Variants in RNF169 observed in about 807,000 individuals in gnomAD.
The protein encoded by RNF169 is E3 ubiquitin-protein ligase RNF169.
RNF169 carries 24 observed loss-of-function variants against 53.9 expected under a neutral mutation model. That is an observed-to-expected ratio of 0.45 (90% CI 0.32 to 0.63). The LOEUF (loss-of-function observed/expected upper bound fraction) is 0.63, where lower values mean the gene tolerates loss of function less well. RNF169 is among the 20% of genes least tolerant of loss of function. The pLI is 0.04. For missense variants in RNF169, 883 were observed against 906.2 expected (o/e 0.97, Z 0.33); for synonymous variants, 396 against 363.5 (o/e 1.09, Z -1.02).
chr11:74,752,947 A>G (rs540107724), intron 1 of RNF169, among the ~76,000 whole-genome samples: 32 of 152,150 alleles, frequency 2.1e-4, no homozygotes, highest in African/African-American at 7.2e-4. Flanking sequence ...AATCTGAACC[A>G]TTGTTTTATT....
rs1352091389 is a variant in RNF169, at chr11:74,841,047, A to T, written c.*4317A>T. The stretch of plus-strand genomic sequence containing the variant: ...CTCAGGTAGAGAAAGTCTCCATAGT[A>T]TAAGTAAGTAATATGAATGTGGAAT... On this transcript the variant is annotated 3_prime_UTR_variant, in exon 6 of 6. Coordinates refer to ENST00000299563, the MANE Select transcript of RNF169 (RefSeq NM_001098638.2). The T allele has an allele frequency of 6.6e-6, 1 of 152,154 alleles. No individual in the cohort carries two copies. Among genetic ancestry groups the T allele is most frequent in the African/African-American group, 2.4e-5 (1 of 41,450 alleles). The allele number at this position is 152,154 out of a possible 1,614,324, so 9.4% of individuals were successfully genotyped here.
chr11:74,761,798 C>G (rs1271593818), intron 1 of RNF169, among the ~76,000 whole-genome samples: 1 of 146,716 alleles, frequency 6.8e-6, no homozygotes, highest in Non-Finnish European at 1.5e-5. Context: ...TTGCTCTTCT[C>G]GAGGAGTATC....
chr11:74,818,966 T>C (rs1229664977), intron 4 of RNF169, among the ~76,000 whole-genome samples: 2 of 152,200 alleles, frequency 1.3e-5, no homozygotes, highest in Non-Finnish European at 1.5e-5. Context: ...ACTTAATGTC[T>C]TTATTTGTCA....
intron 1 of RNF169, among the ~76,000 whole-genome samples, chr11:74,766,795 C>T (rs2035180823): frequency 6.6e-6 from 1 of 152,102 alleles, no homozygotes; most frequent in African/African-American, 2.4e-5. Context: ...GAAGAAGTAC[C>T]AGGCACAGAT....
chr11:74,802,460 A>G (rs1224242423), intron 2 of RNF169, among the ~76,000 whole-genome samples: 7 of 152,204 alleles, frequency 4.6e-5, no homozygotes, highest in Non-Finnish European at 7.3e-5. Context: ...AGACTGGCCA[A>G]CATGGCAAAA....
chr11:74,764,335 A>G (rs913956024), intron 1 of RNF169, among the ~76,000 whole-genome samples: 1 of 152,192 alleles, frequency 6.6e-6, no homozygotes, highest in African/African-American at 2.4e-5. Context: ...GGAGTTCAAG[A>G]CCAGCCTGAC....
At chr11:74,782,087 C>A (rs374378773) in intron 1 of RNF169, among the ~76,000 whole-genome samples, 205 of 152,258 alleles carry the variant, frequency 1.3e-3, no homozygotes, top group African/African-American at 4.8e-3. Context: ...TATTATCTTA[C>A]GCTTTGTACA....
intron 2 of RNF169, among the ~76,000 whole-genome samples, chr11:74,806,003 G>C (rs2035799000): frequency 6.6e-6 from 1 of 152,038 alleles, no homozygotes; most frequent in African/African-American, 2.4e-5. Context: ...GCTTCTGTGT[G>C]AGAGGGAGAA....
chr11:74,825,500 G>A (rs1323951619), intron 4 of RNF169, among the ~76,000 whole-genome samples: 2 of 152,080 alleles, frequency 1.3e-5, no homozygotes, highest in African/African-American at 4.8e-5. Context: ...TGAAATTGAG[G>A]CAGTAAGGAG....
rs1252208081 is a variant in RNF169 at position 74,834,782 on chromosome 11, C to G, written c.942+7C>G. The G allele has an allele frequency of 6.2e-7, 1 of 1,607,654 alleles. No homozygotes were observed. The highest frequency in any genetic ancestry group is 2.2e-5 in the East Asian group (1 of 44,832). On this transcript the variant is annotated splice_region_variant and intron_variant, in intron 5 of 5. Transcript: ENST00000299563. ...TCCAGGCAACAAAGCCAAGGTACAC[C>G]TCAGCCACAGACCTCCGGGGCTTGT... is the stretch of plus-strand genomic sequence containing the variant.
At chr11:74,814,381 T>C (rs777664467) in intron 3 of RNF169, among the ~76,000 whole-genome samples, 2 of 28,074 alleles carry the variant, frequency 7.1e-5, no homozygotes, top group African/African-American at 3.5e-4. Flanking sequence ...CTTTCTTGCC[T>C]TTTTTTTTTT....
chr11:74,822,253 T>C (rs2036023076), intron 4 of RNF169, among the ~76,000 whole-genome samples: 1 of 152,164 alleles, frequency 6.6e-6, no homozygotes, highest in South Asian at 2.1e-4. Flanking sequence ...TAACGTTTTA[T>C]ATCTTGTATG....
intron 1 of RNF169, among the ~76,000 whole-genome samples, chr11:74,786,566 A>G (rs113336620): frequency 3.6e-4 from 55 of 152,240 alleles, no homozygotes; most frequent in African/African-American, 1.2e-3. Context: ...CCTGGAGATT[A>G]TCTTTGTTTC....
At chr11:74,750,865 G>GGT (rs2034880234) in intron 1 of RNF169, among the ~76,000 whole-genome samples, 1 of 60,128 alleles carries the variant, frequency 1.7e-5, no homozygotes, top group East Asian at 7.3e-4. Flanking sequence ...GCCTCCCAAG[G>GGT]TTTTTTTTTT....
chr11:74,808,781 T>A (rs764907260), intron 2 of RNF169, among the ~76,000 whole-genome samples: 1 of 152,200 alleles, frequency 6.6e-6, no homozygotes, highest in Non-Finnish European at 1.5e-5. Flanking sequence ...TTGAATAAGG[T>A]CTTCTCATCT....
chr11:74,802,728 C>G (rs1337897819), intron 2 of RNF169, among the ~76,000 whole-genome samples: 2 of 152,104 alleles, frequency 1.3e-5, no homozygotes, highest in Non-Finnish European at 2.9e-5. Flanking sequence ...AGTCTCAGCA[C>G]TAAAAAATTG....
At chr11:74,762,327 C>A (rs546235199) in intron 1 of RNF169, among the ~76,000 whole-genome samples, 1 of 150,758 alleles carries the variant, frequency 6.6e-6, no homozygotes, top group African/African-American at 2.5e-5. Context: ...CTCCATCCAG[C>A]TTTGTTCCGT....
chr11:74,811,643 T>G (rs1286906567), intron 3 of RNF169, among the ~76,000 whole-genome samples: 1 of 152,094 alleles, frequency 6.6e-6, no homozygotes, highest in Non-Finnish European at 1.5e-5. Context: ...AGCTTCTGAT[T>G]CTAGTTATAA....
At chr11:74,812,388 A>G (rs951094732) in intron 3 of RNF169, among the ~76,000 whole-genome samples, 3 of 152,104 alleles carry the variant, frequency 2.0e-5, no homozygotes, top group Admixed American at 6.5e-5. Flanking sequence ...TCGACCACCC[A>G]GGGTCAAGCA....
Sources: allele counts gnomAD v4.1 joint callset (sites outside exome capture counted in the v4.1 genomes callset), GRCh38; gene constraint gnomAD v4.1.1; transcripts MANE v1.5; gene names NCBI Gene and HGNC (gene_info 2026-07-23, HGNC 2026-07-21).